The following PTPRD variants were observed in gnomAD, a reference collection of about 807,000 sequenced individuals.
PTPRD encodes the protein receptor-type tyrosine-protein phosphatase delta.
A neutral mutation model predicts 214.5 loss-of-function variants in PTPRD; 34 were observed. The ratio of observed to expected loss-of-function variants is 0.16; its 90% CI spans 0.12 to 0.21. The LOEUF (loss-of-function observed/expected upper bound fraction) is 0.21, where lower values mean the gene tolerates loss of function less well. PTPRD is among the 10% of genes least tolerant of loss of function. The pLI, the probability that PTPRD is intolerant of heterozygous loss-of-function variation, is 1.00. For synonymous variants in PTPRD, 1,128 were observed against 845.7 expected, an observed-to-expected ratio of 1.33 and a Z score of -5.79; for missense variants, 2,545 against 2,398.7, an observed-to-expected ratio of 1.06 and a Z score of -1.27.
intron 2 of PTPRD, among the ~76,000 whole-genome samples, chr9:10,407,078 G>T (rs886481383): frequency 6.6e-6 from 1 of 151,464 alleles, no homozygotes; most frequent in Non-Finnish European, 1.5e-5. Flanking sequence ...ATATTATAAT[G>T]CCCAACGTCT....
intron 12 of PTPRD, among the ~76,000 whole-genome samples, chr9:8,706,532 T>A (rs1028408361): frequency 1.3e-5 from 2 of 152,170 alleles, no homozygotes; most frequent in African/African-American, 4.8e-5. Flanking sequence ...TACTGTGGCT[T>A]TGAAGTTTAA....
At chr9:10,156,078 TTGTGTG>T (rs71485323) in intron 3 of PTPRD, among the ~76,000 whole-genome samples, 17,714 of 132,520 alleles carry the variant, frequency 0.13, 1,014 homozygotes, top group Middle Eastern at 0.18. Flanking sequence ...TTTTGAATGT[TTGTGTG>T]TGTGTGTGTG....
At chr9:9,879,438 C>T (rs1428766589) in intron 5 of PTPRD, among the ~76,000 whole-genome samples, 1 of 152,156 alleles carries the variant, frequency 6.6e-6, no homozygotes, top group East Asian at 1.9e-4. Context: ...ATACTATAAA[C>T]AACATTCCAT....
chr9:9,954,236 T>C lies in PTPRD; in HGVS notation c.-471-15626A>G, dbSNP rs373703177. Among the ~76,000 whole-genome samples, 226 of 132,168 alleles carry C rather than the reference T, an allele frequency of 1.7e-3. 8 individuals are homozygous for C. In the South Asian group the frequency reaches 0.051, roughly 30 times the overall value. 86.7% of individuals were successfully genotyped at this position (132,168 alleles called of 152,430 possible). A position where few individuals can be genotyped will look rare whatever the true frequency, so the allele number is the denominator to read the frequency against. On this transcript the variant is annotated intron_variant, in intron 4 of 45. Coordinates refer to ENST00000381196, the MANE Select transcript of PTPRD (RefSeq NM_002839.4). ...GCTTGAACCTGGGAGGAGGCTACAG[T>C]GAGCCAAGACTGTGCCACTGCATTC... is the stretch of plus-strand genomic sequence containing the variant.
chr9:9,759,013 A>C (rs1380414156), intron 6 of PTPRD, among the ~76,000 whole-genome samples: 1 of 152,192 alleles, frequency 6.6e-6, no homozygotes, highest in Non-Finnish European at 1.5e-5. Context: ...GGTGGTGTTT[A>C]AAGAAAAAAA....
At chr9:8,926,951 C>T (rs2098901087) in intron 11 of PTPRD, among the ~76,000 whole-genome samples, 1 of 152,098 alleles carries the variant, frequency 6.6e-6, no homozygotes, top group Admixed American at 6.6e-5. Context: ...GTTTACATTT[C>T]TTTCTTTTAG....
At chr9:10,484,896 T>G (rs1287417479) in intron 2 of PTPRD, among the ~76,000 whole-genome samples, 1 of 152,126 alleles carries the variant, frequency 6.6e-6, no homozygotes, top group South Asian at 2.1e-4. Context: ...TTCCTTTAGA[T>G]ACCCATGCTT....
chr9:9,656,397 T>A (rs189376787), intron 7 of PTPRD, among the ~76,000 whole-genome samples: 1 of 152,126 alleles, frequency 6.6e-6, no homozygotes, highest in Non-Finnish European at 1.5e-5. Flanking sequence ...AATACACTGA[T>A]ACATCCAGAC....
chr9:9,023,660 C>A (rs748041201), intron 10 of PTPRD, among the ~76,000 whole-genome samples: 1 of 151,944 alleles, frequency 6.6e-6, no homozygotes, highest in Non-Finnish European at 1.5e-5. Flanking sequence ...ATCCCCCGCT[C>A]TCCCTCCCCC....
At chr9:10,366,786 A>G (rs373741719) in intron 2 of PTPRD, among the ~76,000 whole-genome samples, 70 of 152,272 alleles carry the variant, frequency 4.6e-4, no homozygotes, top group African/African-American at 1.6e-3. Context: ...TTGATGCCAC[A>G]TACATACGTG....
chr9:9,754,378 G>A (rs925037795), intron 6 of PTPRD, among the ~76,000 whole-genome samples: 10 of 152,132 alleles, frequency 6.6e-5, no homozygotes, highest in Non-Finnish European at 1.2e-4. Flanking sequence ...GAAAACTACT[G>A]TTCAAGGAGC....
chr9:10,176,688 C>T (rs1255011643), intron 3 of PTPRD, among the ~76,000 whole-genome samples: 2 of 151,904 alleles, frequency 1.3e-5, no homozygotes, highest in Non-Finnish European at 2.9e-5. Flanking sequence ...GGAGTAGCCT[C>T]CAGAGATCCT....
At chr9:10,173,118 T>C (rs2099221418) in intron 3 of PTPRD, among the ~76,000 whole-genome samples, 1 of 152,170 alleles carries the variant, frequency 6.6e-6, no homozygotes. Flanking sequence ...CATTAGCGTA[T>C]GATTACAGAT....
At chr9:8,638,224 A>C (rs75313907) in intron 12 of PTPRD, among the ~76,000 whole-genome samples, 2,841 of 152,028 alleles carry the variant, frequency 0.019, 68 homozygotes, top group African/African-American at 0.065. Context: ...ATTGATTTTG[A>C]AAACAATCCT....
At chr9:9,061,115 T>C (rs909165672) in intron 10 of PTPRD, among the ~76,000 whole-genome samples, 18 of 152,178 alleles carry the variant, frequency 1.2e-4, no homozygotes, top group Non-Finnish European at 2.4e-4. Context: ...GGGTTACTAA[T>C]AGGAAGAGGA....
At chr9:8,663,864 T>C (rs879848617) in intron 12 of PTPRD, among the ~76,000 whole-genome samples, 1 of 151,450 alleles carries the variant, frequency 6.6e-6, no homozygotes, top group Admixed American at 6.6e-5. Context: ...AATTAAAGTG[T>C]AGATATTACC....
intron 11 of PTPRD, among the ~76,000 whole-genome samples, chr9:8,789,746 C>G (rs546208318): frequency 9.9e-5 from 15 of 152,228 alleles, no homozygotes; most frequent in Admixed American, 7.8e-4. Flanking sequence ...GAATTAGCAT[C>G]CCATATCGGG....
At chr9:9,259,119 C>T (rs994869786) in intron 9 of PTPRD, among the ~76,000 whole-genome samples, 23 of 151,688 alleles carry the variant, frequency 1.5e-4, no homozygotes, top group African/African-American at 4.8e-4. Flanking sequence ...CTCAAAATTC[C>T]CCATTTATTG....
At chr9:10,108,078 T>G (rs188831838) in intron 3 of PTPRD, among the ~76,000 whole-genome samples, 1 of 152,106 alleles carries the variant, frequency 6.6e-6, no homozygotes, top group Non-Finnish European at 1.5e-5. Flanking sequence ...TGGGAATAAG[T>G]GACATCTGTG....
Sources: gnomAD v4.1 joint callset for allele counts (sites outside exome capture counted in the v4.1 genomes callset) on GRCh38, gnomAD v4.1.1 for gene constraint, MANE v1.5 for transcripts, NCBI Gene and HGNC (gene_info 2026-07-23, HGNC 2026-07-21) for gene names.